FAM13A: variants seen among roughly 807,000 people sequenced by gnomAD.
The protein encoded by FAM13A is family with sequence similarity 13 member A, also known as protein FAM13A.
FAM13A carries 76 observed loss-of-function variants against 129.6 expected under a neutral mutation model. That is an observed-to-expected ratio of 0.59 (90% confidence interval 0.49 to 0.71). The LOEUF (loss-of-function observed/expected upper bound fraction) is 0.71. Among genes scored for constraint, FAM13A ranks in the 30% least tolerant of loss-of-function variants. FAM13A has a pLI of 0.00. For synonymous variants in FAM13A, 443 were observed against 449.9 expected (o/e 0.98, Z 0.20); for missense variants, 1,108 against 1,249.3 (o/e 0.89, Z 1.70).
At chr4:88,840,451 G>GA (rs774642183) in intron 7 of FAM13A, among the ~76,000 whole-genome samples, 2 of 152,102 alleles carry the variant, frequency 1.3e-5, no homozygotes, top group Admixed American at 6.5e-5. Flanking sequence ...GACTCATCTA[G>GA]AAAAAATGGG....
chr4:89,019,996 T>G (rs556130142), intron 3 of FAM13A, among the ~76,000 whole-genome samples: 4 of 152,194 alleles, frequency 2.6e-5, no homozygotes, highest in African/African-American at 9.6e-5. Context: ...TTGATCTCAC[T>G]CCTTTTATGA....
In FAM13A at chr4:88,749,922, C is replaced by A. The variant is rs747179680; in HGVS notation, c.1941-13G>T. The stretch of plus-strand genomic sequence containing the variant: ...GGAGCTTCGCCGCCTGTGAAGAGTA[C>A]GACTTGGGTCAGTTTCCCCAGGAGC... On this transcript the variant is annotated splice_polypyrimidine_tract_variant and intron_variant, in intron 15 of 23. Coordinates refer to ENST00000264344, the MANE Select transcript of FAM13A (RefSeq NM_014883.4). 12 of 1,611,514 alleles carry A rather than the reference C, an allele frequency of 7.4e-6. No individual in the cohort carries two copies. The Admixed American group carries it at 1.5e-4, about 20-fold the overall frequency.
intron 4 of FAM13A, among the ~76,000 whole-genome samples, chr4:88,956,875 C>T (rs189576750): frequency 2.4e-4 from 37 of 152,266 alleles, no homozygotes; most frequent in Admixed American, 2.4e-3. Flanking sequence ...GGATTGTCCC[C>T]GCCCAAATTT....
chr4:88,760,980 A>T (rs1467332810), intron 13 of FAM13A, among the ~76,000 whole-genome samples: 2 of 152,336 alleles, frequency 1.3e-5, no homozygotes, highest in East Asian at 3.9e-4. Context: ...TTTCATTTTT[A>T]AAGTATGGTA....
At chr4:88,775,703 C>T (rs987506279) in intron 11 of FAM13A, among the ~76,000 whole-genome samples, 6 of 151,748 alleles carry the variant, frequency 4.0e-5, no homozygotes, top group African/African-American at 4.8e-5. Context: ...TTAGACTCTG[C>T]CTCTTAAAAA....
At chr4:88,772,034 G>A (rs1720776905) in intron 11 of FAM13A, among the ~76,000 whole-genome samples, 1 of 152,116 alleles carries the variant, frequency 6.6e-6, no homozygotes, top group South Asian at 2.1e-4. Flanking sequence ...ACCACTGACT[G>A]AAGCACTTAA....
At chr4:88,919,163 A>C (rs1750598418) in intron 5 of FAM13A, among the ~76,000 whole-genome samples, 1 of 152,268 alleles carries the variant, frequency 6.6e-6, no homozygotes, top group Non-Finnish European at 1.5e-5. Flanking sequence ...AATAACTGGC[A>C]TAAACAGGTT....
intron 11 of FAM13A, among the ~76,000 whole-genome samples, chr4:88,778,612 A>G (rs1168313352): frequency 6.6e-6 from 1 of 152,124 alleles, no homozygotes; most frequent in Non-Finnish European, 1.5e-5. Context: ...AGATGACTGT[A>G]ATGATTCCTA....
intron 19 of FAM13A, among the ~76,000 whole-genome samples, chr4:88,745,790 C>T (rs1578460729): frequency 1.3e-5 from 2 of 151,946 alleles, no homozygotes; most frequent in African/African-American, 4.8e-5. Flanking sequence ...GAACATTATC[C>T]CAGAGTGTCA....
intron 7 of FAM13A, among the ~76,000 whole-genome samples, chr4:88,818,022 C>T (rs1336196970): frequency 2.0e-5 from 3 of 152,160 alleles, no homozygotes; most frequent in Non-Finnish European, 4.4e-5. Context: ...CTTCCACTGT[C>T]GCACAGACTG....
rs1736827352 is a variant in FAM13A at position 88,728,462 on chromosome 4, A to G, written c.*71T>C. ...AGGGCCAGCCCCAAGGCTGCCTTCC[A>G]GAGCTGCACTTTCTCTGGGGACAGT... On this transcript the variant is annotated 3_prime_UTR_variant, in exon 24 of 24. Coordinates refer to ENST00000264344, the MANE Select transcript of FAM13A (RefSeq NM_014883.4). 1 of 1,600,666 alleles carries G rather than the reference A, an allele frequency of 6.2e-7. No individual in the cohort carries two copies. The highest frequency in any genetic ancestry group is 2.2e-5 in the East Asian group (1 of 44,754).
intron 4 of FAM13A, among the ~76,000 whole-genome samples, chr4:88,971,465 T>C (rs186088944): frequency 1.3e-5 from 2 of 152,308 alleles, no homozygotes; most frequent in East Asian, 3.9e-4. Context: ...AGACTGGGAC[T>C]TTTTAAAAAT....
chr4:88,788,010 T>C, intron 9 of FAM13A, 78 bp from the exon 10 acceptor site: 1 of 1,158,532 alleles, frequency 8.6e-7, no homozygotes, highest in Non-Finnish European at 1.2e-6. Context: ...GCCTACAGTT[T>C]TGGGAACATC....
intron 1 of FAM13A, among the ~76,000 whole-genome samples, chr4:89,031,119 T>C (rs532819515): frequency 6.6e-6 from 1 of 152,304 alleles, no homozygotes; most frequent in Non-Finnish European, 1.5e-5. Flanking sequence ...TATGATTTTG[T>C]TAATTAAGTC....
At chr4:88,847,619 T>C (rs572343297) in intron 7 of FAM13A, among the ~76,000 whole-genome samples, 113 of 152,136 alleles carry the variant, frequency 7.4e-4, no homozygotes, top group Non-Finnish European at 1.4e-3. Flanking sequence ...ATTTTCATTT[T>C]CTGATTGGAT....
At chr4:89,005,427 T>C (rs1764869324) in intron 3 of FAM13A, among the ~76,000 whole-genome samples, 1 of 152,236 alleles carries the variant, frequency 6.6e-6, no homozygotes, top group South Asian at 2.1e-4. Context: ...TCTGGGTATA[T>C]ACCTAGTAAT....
intron 4 of FAM13A, among the ~76,000 whole-genome samples, chr4:88,968,097 T>C (rs1759586154): frequency 6.6e-6 from 1 of 152,210 alleles, no homozygotes; most frequent in Non-Finnish European, 1.5e-5. Context: ...TGTGGAAGAT[T>C]GGTAAGCCTC....
At chr4:89,018,321 A>G (rs947661506) in intron 3 of FAM13A, among the ~76,000 whole-genome samples, 7 of 152,248 alleles carry the variant, frequency 4.6e-5, no homozygotes, top group Middle Eastern at 3.2e-3. Context: ...ACACAGTGAG[A>G]AGGCAGCCAT....
chr4:89,009,960 TTA>T (rs1161796464), intron 3 of FAM13A, among the ~76,000 whole-genome samples: 1 of 152,210 alleles, frequency 6.6e-6, no homozygotes, highest in African/African-American at 2.4e-5. Flanking sequence ...ACCTAATCTT[TTA>T]TAGTCAGAGT....
Sources: allele counts gnomAD v4.1 joint callset (sites outside exome capture counted in the v4.1 genomes callset), GRCh38; gene constraint gnomAD v4.1.1; transcripts MANE v1.5; gene names NCBI Gene and HGNC (gene_info 2026-07-23, HGNC 2026-07-21).